The following SCARB2 variants were observed in gnomAD, a reference collection of about 807,000 sequenced individuals.
SCARB2 encodes the protein scavenger receptor class B member 2.
In SCARB2, 29 loss-of-function variants were observed where a neutral mutation model predicts 58.6. That is an observed-to-expected ratio of 0.49 (90% CI 0.37 to 0.67). The LOEUF (loss-of-function observed/expected upper bound fraction) is 0.67. Ranked by LOEUF, SCARB2 falls within the 30% of genes least tolerant of loss-of-function variation. The pLI is 0.00. For missense variants in SCARB2, 488 were observed against 578.5 expected, an observed-to-expected ratio of 0.84 and a Z score of 1.60; for synonymous variants, 195 against 210.1, an observed-to-expected ratio of 0.93 and a Z score of 0.62.
chr4:76,161,953 C>G, intron 11 of SCARB2: 1 of 632,880 alleles, frequency 1.6e-6, no homozygotes, highest in Admixed American at 2.3e-5. Flanking sequence ...CCTTCTCTGA[C>G]CACTCCCACC....
rs75285019 is a variant in SCARB2, at chr4:76,181,270, G to A, written c.276-169C>T. Among the ~76,000 whole-genome samples, 3,538 of 152,260 alleles carry A rather than the reference G, an allele frequency of 0.023. 105 individuals are homozygous for A. Among genetic ancestry groups the A allele is most frequent in the African/African-American group, 0.071 (2,966 of 41,516 alleles). ...AAAAGCTGGAGATCGAAGCTATAAT[G>A]TGGGAAGGAAACGAGGCCTAGGATA... On this transcript the variant is annotated intron_variant, in intron 2 of 11. Coordinates refer to ENST00000264896, the MANE Select transcript of SCARB2 (RefSeq NM_005506.4).
upstream of SCARB2, among the ~76,000 whole-genome samples, chr4:76,218,541 A>G (rs901320481): frequency 2.0e-5 from 3 of 152,180 alleles, no homozygotes; most frequent in Admixed American, 2.0e-4. Flanking sequence ...CCTCATTATC[A>G]TCTTTGCACC....
chr4:76,186,620 G>A (rs1347769046), intron 2 of SCARB2, among the ~76,000 whole-genome samples: 1 of 152,184 alleles, frequency 6.6e-6, no homozygotes, highest in African/African-American at 2.4e-5. Flanking sequence ...CTTGTTGACA[G>A]TGTGCAAGAA....
At chr4:76,231,527 AAAAC>A (rs58077932) in intron 1 of SCARB2, among the ~76,000 whole-genome samples, 61,442 of 151,784 alleles carry the variant, frequency 0.4, 12,629 homozygotes, top group East Asian at 0.57. Context: ...ATTTTTGTTA[AAAAC>A]AAACAAACAA....
chr4:76,210,008 T>G (rs886077415), intron 1 of SCARB2, among the ~76,000 whole-genome samples: 7 of 152,196 alleles, frequency 4.6e-5, no homozygotes, highest in African/African-American at 1.7e-4. Context: ...CTGAACTGCA[T>G]AGCTGCTCTT....
At position 76,213,575 on chromosome 4, in the gene SCARB2, G is replaced by A. The variant is rs772589387; in HGVS notation, c.-32C>T. 6.4e-7 allele frequency: 1 copy of A among 1,565,510 alleles called. No homozygotes were observed. Among genetic ancestry groups the A allele is most frequent in the Non-Finnish European group, 8.8e-7 (1 of 1,142,084 alleles). ...CGCCGCTCACGGGCCGGGCCGGGCC[G>A]CACCCGCCAGGGATCCAACTGCAAG... On this transcript the variant is annotated 5_prime_UTR_variant, in exon 1 of 12. Transcript: ENST00000264896.
At chr4:76,201,443 A>G (rs1052240570) in intron 1 of SCARB2, among the ~76,000 whole-genome samples, 35 of 152,164 alleles carry the variant, frequency 2.3e-4, no homozygotes, top group African/African-American at 8.4e-4. Flanking sequence ...GGACACAATA[A>G]ATAATTAATG....
intron 1 of SCARB2, among the ~76,000 whole-genome samples, chr4:76,210,742 G>A (rs1344828623): frequency 6.6e-6 from 1 of 152,176 alleles, no homozygotes; most frequent in African/African-American, 2.4e-5. Context: ...TTCCTTCCAC[G>A]ATATTCACTG....
At chr4:76,204,191 C>T (rs773406399) in intron 1 of SCARB2, among the ~76,000 whole-genome samples, 1 of 152,132 alleles carries the variant, frequency 6.6e-6, no homozygotes, top group East Asian at 1.9e-4. Context: ...CTCCCTGAAA[C>T]GAAGCAAACC....
chr4:76,212,984 C>T (rs1733089901), intron 1 of SCARB2: 1 of 266,286 alleles, frequency 3.8e-6, no homozygotes, highest in Non-Finnish European at 7.5e-6. Context: ...CACAATAGAC[C>T]GCACACCCAC....
intron 7 of SCARB2, among the ~76,000 whole-genome samples, chr4:76,171,249 T>G (rs1732123848): frequency 6.6e-6 from 1 of 152,156 alleles, no homozygotes; most frequent in East Asian, 1.9e-4. Flanking sequence ...GAAAATGTAT[T>G]TTTTAAATCT....
upstream of SCARB2, among the ~76,000 whole-genome samples, chr4:76,216,204 G>C (rs187228154): frequency 3.1e-3 from 465 of 152,194 alleles, 3 homozygotes; most frequent in African/African-American, 0.011. Flanking sequence ...ACTCTGCTCT[G>C]TGCCCCAGTT....
In SCARB2 at chr4:76,174,376, C is replaced by T. The variant is rs565258973; in HGVS notation, c.825-63G>A. On this transcript the variant is annotated intron_variant, in intron 6 of 11. Transcript: ENST00000264896. The stretch of plus-strand genomic sequence containing the variant: ...TGGTCAGTGTAATCTGCCCGAAATC[C>T]GCAAGTTAGCAACAGTTCTCAGGTA... 3.2e-4 allele frequency: 485 copies of T among 1,493,352 alleles called. 2 individuals are homozygous for T. In the South Asian group the frequency reaches 5.1e-3, roughly 16 times the overall value. 92.5% of individuals were successfully genotyped at this position (1,493,352 alleles called of 1,614,324 possible). A position where few individuals can be genotyped will look rare whatever the true frequency, so the allele number is the denominator to read the frequency against.
At chr4:76,224,567 C>G (rs1733363141) in intron 1 of SCARB2, among the ~76,000 whole-genome samples, 1 of 151,908 alleles carries the variant, frequency 6.6e-6, no homozygotes, top group South Asian at 2.1e-4. Flanking sequence ...TTTAAAAAAT[C>G]CTTTTTATTT....
chr4:76,215,003 A>G (rs910246388), upstream of SCARB2, among the ~76,000 whole-genome samples: 3 of 152,232 alleles, frequency 2.0e-5, no homozygotes, highest in Non-Finnish European at 4.4e-5. Context: ...GGGGTGGGGA[A>G]TCCTTTAGCC....
rs570938520 is a variant in SCARB2, at chr4:76,209,494, G to A, written c.117+3933C>T. On this transcript the variant is annotated intron_variant, in intron 1 of 11. Coordinates refer to ENST00000264896, the MANE Select transcript of SCARB2 (RefSeq NM_005506.4). Reference sequence around the variant, plus strand: ...AGCGATTCTCCTGCCTCAGCCTCCCGAGTAGCTGGGACTACAGGCACCTGC... The same window carrying A: ...AGCGATTCTCCTGCCTCAGCCTCCCAAGTAGCTGGGACTACAGGCACCTGC... Among the ~76,000 whole-genome samples the A allele has an allele frequency of 2.5e-4, 38 of 152,068 alleles. 1 individual carries two copies. In the South Asian group the frequency reaches 4.2e-3, roughly 17 times the overall value.
intron 11 of SCARB2, 87 bp downstream of exon 11, chr4:76,163,138 C>A (rs1373195809): frequency 6.5e-7 from 1 of 1,538,460 alleles, no homozygotes; most frequent in South Asian, 1.1e-5. Flanking sequence ...TCCTAATAAG[C>A]CAGCTGACAG....
intron 1 of SCARB2, among the ~76,000 whole-genome samples, chr4:76,203,141 C>T (rs911671115): frequency 2.6e-5 from 4 of 152,022 alleles, no homozygotes; most frequent in Admixed American, 2.6e-4. Flanking sequence ...CACCCAGCTA[C>T]TTTTTGTATT....
At chr4:76,203,290 T>G in intron 1 of SCARB2, among the ~76,000 whole-genome samples, 1 of 152,166 alleles carries the variant, frequency 6.6e-6, no homozygotes, top group Non-Finnish European at 1.5e-5. Context: ...CAGTGAATAA[T>G]TTCTTAGAAT....
Sources: allele counts gnomAD v4.1 joint callset (sites outside exome capture counted in the v4.1 genomes callset), GRCh38; gene constraint gnomAD v4.1.1; transcripts MANE v1.5; gene names NCBI Gene and HGNC (gene_info 2026-07-23, HGNC 2026-07-21).